Variants in HECW2 observed in about 807,000 individuals in gnomAD.
HECW2 encodes the protein HECT, C2 and WW domain containing E3 ubiquitin protein ligase 2, also known as E3 ubiquitin-protein ligase HECW2.
A neutral mutation model predicts 175.2 loss-of-function variants in HECW2; 61 were observed. The observed-to-expected ratio is 0.35, with a 90% CI of 0.28 to 0.43. The LOEUF (loss-of-function observed/expected upper bound fraction) is 0.43. HECW2 is among the 20% of genes least tolerant of loss of function. HECW2 has a pLI of 1.00. For missense variants in HECW2, 1,524 were observed against 2,000.5 expected (o/e 0.76, Z 4.54); for synonymous variants, 671 against 731.0 (o/e 0.92, Z 1.32).
chr2:196,243,248 A>G (rs2105887522), intron 19 of HECW2, among the ~76,000 whole-genome samples: 1 of 145,770 alleles, frequency 6.9e-6, no homozygotes, highest in East Asian at 2.1e-4. Context: ...GCTCACCGCA[A>G]CCTCCATCTC....
intron 1 of HECW2, among the ~76,000 whole-genome samples, chr2:196,440,817 A>G (rs1178567155): frequency 6.6e-6 from 1 of 152,136 alleles, no homozygotes; most frequent in Non-Finnish European, 1.5e-5. Context: ...AGCTCCTTAG[A>G]TAACTCATCC....
chr2:196,262,388 AG>A (rs1689331557), intron 17 of HECW2, among the ~76,000 whole-genome samples: 1 of 152,174 alleles, frequency 6.6e-6, no homozygotes, highest in African/African-American at 2.4e-5. Flanking sequence ...ATGAAGATTA[AG>A]GTTATACTAA....
At chr2:196,555,702 T>G (rs1191609643) in intron 1 of HECW2, among the ~76,000 whole-genome samples, 1 of 151,820 alleles carries the variant, frequency 6.6e-6, no homozygotes, top group African/African-American at 2.4e-5. Flanking sequence ...AATTAAAGAG[T>G]TAAGTATTTT....
At chr2:196,540,779 T>G (rs966521213) in intron 1 of HECW2, among the ~76,000 whole-genome samples, 13 of 152,180 alleles carry the variant, frequency 8.5e-5, no homozygotes, top group African/African-American at 2.4e-4. Context: ...TACCATATAT[T>G]TTTTCTAAAA....
intron 1 of HECW2, among the ~76,000 whole-genome samples, chr2:196,546,709 G>A (rs763906289): frequency 7.9e-5 from 12 of 151,850 alleles, no homozygotes; most frequent in African/African-American, 9.7e-5. Flanking sequence ...CAGCTCAACC[G>A]CATAGGTGAT....
At chr2:196,397,540 A>C (rs1694705059) in intron 2 of HECW2, among the ~76,000 whole-genome samples, 1 of 152,178 alleles carries the variant, frequency 6.6e-6, no homozygotes, top group Non-Finnish European at 1.5e-5. Flanking sequence ...TTTTCTTTTT[A>C]TTATTTTTAA....
chr2:196,460,115 T>C (rs2125324946), intron 1 of HECW2, among the ~76,000 whole-genome samples: 1 of 152,200 alleles, frequency 6.6e-6, no homozygotes, highest in South Asian at 2.1e-4. Context: ...TTATGAAAAA[T>C]AAAGCTCTCC....
chr2:196,225,022 G>A (rs1687799112), intron 23 of HECW2, among the ~76,000 whole-genome samples: 1 of 152,172 alleles, frequency 6.6e-6, no homozygotes, highest in African/African-American at 2.4e-5. Context: ...GCCTCAGTTA[G>A]GGTATGAGCT....
chr2:196,275,291 A>G (rs753241837), intron 15 of HECW2, among the ~76,000 whole-genome samples: 1 of 152,242 alleles, frequency 6.6e-6, no homozygotes, highest in African/African-American at 2.4e-5. Context: ...TTTGTCAATT[A>G]TACCTCACTA....
At chr2:196,471,135 A>G (rs1341513485) in intron 1 of HECW2, among the ~76,000 whole-genome samples, 1 of 152,160 alleles carries the variant, frequency 6.6e-6, no homozygotes, top group Non-Finnish European at 1.5e-5. Flanking sequence ...CAATTTAGCA[A>G]TTCTACTCCT....
At chr2:196,375,171 G>GAAAC (rs3082113) in intron 2 of HECW2, among the ~76,000 whole-genome samples, 2 of 148,738 alleles carry the variant, frequency 1.3e-5, no homozygotes, top group African/African-American at 5.0e-5. Flanking sequence ...AAAAAAAAAA[G>GAAAC]AAAGAAAAAA....
rs1553489735 is a variant in HECW2, at chr2:196,278,133, A to ATATATATATAT, written c.3135+394_3135+395insATATATATATA. On this transcript the variant is annotated intron_variant, in intron 15 of 28. Coordinates refer to ENST00000644978, the MANE Select transcript of HECW2 (RefSeq NM_001348768.2). ...CCTAGAACTTAAAGTATAATTAAAA[A>ATATATATATAT]ATATATATATATATATATAAAGAAA... Among the ~76,000 whole-genome samples the ATATATATATAT allele has an allele frequency of 4.8e-3, 321 of 66,546 alleles. 66 individuals carry two copies. The highest frequency in any genetic ancestry group is 0.015 in the East Asian group (15 of 968). 43.7% of individuals were successfully genotyped at this position (66,546 alleles called of 152,430 possible). A position where few individuals can be genotyped will look rare whatever the true frequency, so the allele number is the denominator to read the frequency against.
chr2:196,366,177 G>C (rs1033908695), intron 2 of HECW2, among the ~76,000 whole-genome samples: 1 of 152,206 alleles, frequency 6.6e-6, no homozygotes, highest in African/African-American at 2.4e-5. Context: ...CCACAGCAAG[G>C]CTGAAATGTG....
intron 26 of HECW2, among the ~76,000 whole-genome samples, chr2:196,218,760 C>T (rs1217489401): frequency 6.6e-6 from 1 of 152,094 alleles, no homozygotes; most frequent in Non-Finnish European, 1.5e-5. Flanking sequence ...TAAAATATAA[C>T]TTATGTAGCA....
chr2:196,208,498 A>G (rs574238633), intron 28 of HECW2, among the ~76,000 whole-genome samples: 75 of 152,380 alleles, frequency 4.9e-4, no homozygotes, highest in African/African-American at 1.7e-3. Context: ...GAGGAGACAG[A>G]TAATCAACAA....
At chr2:196,230,273 G>T (rs1237513863) in intron 21 of HECW2, among the ~76,000 whole-genome samples, 1 of 152,138 alleles carries the variant, frequency 6.6e-6, no homozygotes, top group African/African-American at 2.4e-5. Context: ...GCTTCCTCCC[G>T]CTGACCTACT....
chr2:196,375,279 T>A (rs1694021463), intron 2 of HECW2, among the ~76,000 whole-genome samples: 1 of 152,162 alleles, frequency 6.6e-6, no homozygotes, highest in East Asian at 1.9e-4. Flanking sequence ...CCAAATGGAA[T>A]CATGACATCA....
intron 21 of HECW2, among the ~76,000 whole-genome samples, chr2:196,233,286 G>C (rs979793279): frequency 2.0e-5 from 3 of 152,142 alleles, no homozygotes; most frequent in African/African-American, 7.2e-5. Flanking sequence ...GATGTCTCCA[G>C]GGTGGCCATG....
chr2:196,519,220 G>A (rs955267471), intron 1 of HECW2, among the ~76,000 whole-genome samples: 1 of 152,178 alleles, frequency 6.6e-6, no homozygotes, highest in Admixed American at 6.5e-5. Context: ...CCTTTAGAAG[G>A]TGGTAGAGTT....
Sources: allele counts gnomAD v4.1 joint callset (sites outside exome capture counted in the v4.1 genomes callset), GRCh38; gene constraint gnomAD v4.1.1; transcripts MANE v1.5; gene names NCBI Gene and HGNC (gene_info 2026-07-23, HGNC 2026-07-21).